Variants in SDK2 observed in about 807,000 individuals in gnomAD.
The protein encoded by SDK2 is sidekick cell adhesion molecule 2.
A neutral mutation model predicts 253.9 loss-of-function variants in SDK2; 105 were observed. The ratio of observed to expected loss-of-function variants is 0.41; its 90% CI spans 0.35 to 0.49. The LOEUF (loss-of-function observed/expected upper bound fraction) is 0.49. SDK2 is among the 20% of genes least tolerant of loss of function. The probability of loss-of-function intolerance (pLI) is 0.06; values close to 1 mark genes in which losing one functional copy is unlikely to be tolerated. For synonymous variants in SDK2, 1,249 were observed against 1,234.9 expected (o/e 1.01, Z -0.24); for missense variants, 2,608 against 3,003.0 (o/e 0.87, Z 3.07).
intron 1 of SDK2, among the ~76,000 whole-genome samples, chr17:73,576,938 C>A (rs1472539885): frequency 6.6e-6 from 1 of 152,202 alleles, no homozygotes; most frequent in Non-Finnish European, 1.5e-5. Context: ...CCATGGGAAT[C>A]GCCAAGGATA....
At chr17:73,372,697 C>T (rs138574626) in intron 36 of SDK2, among the ~76,000 whole-genome samples, 5,712 of 152,022 alleles carry the variant, frequency 0.038, 112 homozygotes, top group East Asian at 0.068. Flanking sequence ...GTGGAGATCA[C>T]ACCACTGCAC....
intron 1 of SDK2, among the ~76,000 whole-genome samples, 191 bp from the exon 2 acceptor site, chr17:73,507,788 C>A (rs959581055): frequency 6.6e-6 from 1 of 152,146 alleles, no homozygotes; most frequent in African/African-American, 2.4e-5. Context: ...CGGGAGTCAC[C>A]GACATCTGCC....
chr17:73,403,907 T>C (rs1390095550), intron 18 of SDK2, among the ~76,000 whole-genome samples: 2 of 150,176 alleles, frequency 1.3e-5, no homozygotes, highest in East Asian at 3.8e-4. Context: ...AATGTTTTAA[T>C]TTAATTTAAT....
intron 2 of SDK2, among the ~76,000 whole-genome samples, chr17:73,492,673 G>A (rs1223546111): frequency 6.6e-6 from 1 of 152,052 alleles, no homozygotes; most frequent in African/African-American, 2.4e-5. Flanking sequence ...GGACTTGGGC[G>A]ACCCTGGGAG....
intron 18 of SDK2, among the ~76,000 whole-genome samples, chr17:73,413,160 A>C (rs2063153389): frequency 6.6e-6 from 1 of 151,960 alleles, no homozygotes; most frequent in African/African-American, 2.4e-5. Flanking sequence ...ATTACCACCT[A>C]AACTCCACCT....
chr17:73,395,079 C>A lies in SDK2; in HGVS notation c.3592+76G>T. Reference sequence around the variant, plus strand: ...TGAACAACACCTTCAGCCTGGCACGCGCTTGGATGACCCTGAGGGCATAGA... The same window carrying A: ...TGAACAACACCTTCAGCCTGGCACGAGCTTGGATGACCCTGAGGGCATAGA... On this transcript the variant is annotated intron_variant, in intron 25 of 44. Coordinates refer to ENST00000392650, the MANE Select transcript of SDK2 (RefSeq NM_001144952.2). This position sits in a 1 kb window ranked among gnomAD's most constrained non-coding sequence, Gnocchi z 4.3. 1 of 1,160,062 alleles carries A rather than the reference C, an allele frequency of 8.6e-7. No individual in the cohort carries two copies. The highest frequency in any genetic ancestry group is 1.2e-6 in the Non-Finnish European group (1 of 817,166). The allele number at this position is 1,160,062 out of a possible 1,614,324, so 71.9% of individuals were successfully genotyped here.
intron 16 of SDK2, 67 bp downstream of exon 16, chr17:73,419,099 C>T (rs2063206176): frequency 1.3e-6 from 2 of 1,551,812 alleles, no homozygotes; most frequent in Middle Eastern, 1.7e-4. Flanking sequence ...TTTTCCAGTC[C>T]ACTCCCGATC....
chr17:73,588,647 AG>A (rs2045639494), intron 1 of SDK2, among the ~76,000 whole-genome samples: 1 of 152,194 alleles, frequency 6.6e-6, no homozygotes, highest in African/African-American at 2.4e-5. Flanking sequence ...GGTAGAGGCC[AG>A]GGATCCTATG....
intron 6 of SDK2, among the ~76,000 whole-genome samples, chr17:73,439,341 C>G (rs1043260386): frequency 6.6e-6 from 1 of 152,146 alleles, no homozygotes; most frequent in Non-Finnish European, 1.5e-5. Flanking sequence ...TCCTTTATAG[C>G]AATGCAAATG....
At position 73,448,615 on chromosome 17, in the gene SDK2, T is replaced by C. The variant is rs537967877; in HGVS notation, c.480-867A>G. ...TCCTGACCTTGTGATCTGCCCGCCT[T>C]GGCCTCCGAAAGTGTTGGGATTACA... On this transcript the variant is annotated intron_variant, in intron 4 of 44. Coordinates refer to ENST00000392650, the MANE Select transcript of SDK2 (RefSeq NM_001144952.2). 2.4e-3 allele frequency among the ~76,000 whole-genome samples: 369 copies of C among 152,044 alleles called. 1 individual carries two copies. The highest frequency in any genetic ancestry group is 4.5e-3 in the Non-Finnish European group (308 of 67,978).
rs1055181987 is a variant in SDK2, at chr17:73,420,463, C to T, written c.2046-1157G>A. Reference sequence around the variant, plus strand: ...TCTCCTGCCTCAGCCTCAAGAGTAGCGGGATTATGGGTGCCTGCCACCAGG... The same window carrying T: ...TCTCCTGCCTCAGCCTCAAGAGTAGTGGGATTATGGGTGCCTGCCACCAGG... On this transcript the variant is annotated intron_variant, in intron 15 of 44. Coordinates refer to ENST00000392650, the MANE Select transcript of SDK2 (RefSeq NM_001144952.2). 4.0e-5 allele frequency among the ~76,000 whole-genome samples: 6 copies of T among 151,538 alleles called. No homozygotes were observed. The East Asian group carries it at 5.8e-4, about 15-fold the overall frequency.
chr17:73,463,724 T>G (rs1004139451), intron 3 of SDK2, among the ~76,000 whole-genome samples: 5 of 152,166 alleles, frequency 3.3e-5, no homozygotes, highest in African/African-American at 1.2e-4. Context: ...AACATTTTTT[T>G]GGGGGGGCTC....
At chr17:73,508,790 C>T (rs574199769) in intron 1 of SDK2, among the ~76,000 whole-genome samples, 23 of 152,340 alleles carry the variant, frequency 1.5e-4, no homozygotes, top group African/African-American at 5.3e-4. Flanking sequence ...CCACACCTCC[C>T]TCCGTGAAGC....
intron 2 of SDK2, among the ~76,000 whole-genome samples, chr17:73,497,815 C>T (rs2063855224): frequency 1.3e-5 from 2 of 152,206 alleles, no homozygotes; most frequent in South Asian, 4.1e-4. Context: ...GAGGGCTCCA[C>T]ATAGCTTTTG....
At position 73,435,354 on chromosome 17, in the gene SDK2, C is replaced by T. The variant is rs534443033; in HGVS notation, c.1195+96G>A. 182 of 1,226,264 alleles carry T rather than the reference C, an allele frequency of 1.5e-4. 1 individual carries two copies. The highest frequency in any genetic ancestry group is 1.4e-3 in the South Asian group (89 of 63,442). The allele number at this position is 1,226,264 out of a possible 1,614,324, so 76.0% of individuals were successfully genotyped here. The stretch of plus-strand genomic sequence containing the variant: ...TGGGGATCCTATCTGCTTAATGGAA[C>T]GTGCTATGCACAAGAGGCCCCTCGG... On this transcript the variant is annotated intron_variant, in intron 9 of 44. Coordinates refer to ENST00000392650, the MANE Select transcript of SDK2 (RefSeq NM_001144952.2). This position sits in a 1 kb window ranked among gnomAD's most constrained non-coding sequence, Gnocchi z 5.7.
At position 73,385,837 on chromosome 17, in the gene SDK2, T is replaced by C. The variant is rs750288871; in HGVS notation, c.4569+10A>G. 4 of 1,601,528 alleles carry C rather than the reference T, an allele frequency of 2.5e-6. No individual in the cohort carries two copies. In the Admixed American group the frequency reaches 5.2e-5, roughly 21 times the overall value. On this transcript the variant is annotated intron_variant, in intron 32 of 44. Coordinates refer to ENST00000392650, the MANE Select transcript of SDK2 (RefSeq NM_001144952.2). ...GTCTTCACGGAGGTTTCCTGCCCGC[T>C]GGGCCATACCTGCCATCGGATTAGC... is the stretch of plus-strand genomic sequence containing the variant.
chr17:73,602,851 C>T (rs1326784645), intron 1 of SDK2, among the ~76,000 whole-genome samples: 1 of 152,042 alleles, frequency 6.6e-6, no homozygotes, highest in African/African-American at 2.4e-5. Flanking sequence ...CTCAGCTTCC[C>T]AAGTAGCTGA....
intron 18 of SDK2, among the ~76,000 whole-genome samples, chr17:73,412,070 G>A (rs1267585629): frequency 2.3e-5 from 2 of 85,926 alleles, no homozygotes; most frequent in South Asian, 3.2e-4. Context: ...GTATATATAC[G>A]TATATATGTA....
Position 73,348,518 on chromosome 17 carries a change from A to G in SDK2, c.6165+81T>C. The G allele has an allele frequency of 2.7e-6, 4 of 1,503,376 alleles. No homozygotes were observed. In the Middle Eastern group the frequency reaches 5.2e-4, roughly 196 times the overall value. 93.1% of individuals were successfully genotyped at this position (1,503,376 alleles called of 1,614,324 possible). A position where few individuals can be genotyped will look rare whatever the true frequency, so the allele number is the denominator to read the frequency against. On this transcript the variant is annotated intron_variant, in intron 44 of 44. Coordinates refer to ENST00000392650, the MANE Select transcript of SDK2 (RefSeq NM_001144952.2). ...TGCTGCCCCTTGAAGGAAAGGAAGAAAGCCCATCTACGTTCACTGCCCCAC... is the reference window on the plus strand; with the variant it reads ...TGCTGCCCCTTGAAGGAAAGGAAGAGAGCCCATCTACGTTCACTGCCCCAC...
Sources: gnomAD v4.1 joint callset for allele counts (sites outside exome capture counted in the v4.1 genomes callset) on GRCh38, gnomAD v4.1.1 for gene constraint, Gnocchi (gnomAD v3.1) non-coding constraint, MANE v1.5 for transcripts, NCBI Gene and HGNC (gene_info 2026-07-23, HGNC 2026-07-21) for gene names.